LOC128706665: variants seen among roughly 807,000 people sequenced by gnomAD.
At chr20:10,427,225 A>G in the LOC128706665 span, among the ~76,000 whole-genome samples, 2 of 152,204 alleles carry the variant, frequency 1.3e-5, no homozygotes, top group Admixed American at 6.5e-5. Context: ...TAGGCCTAAA[A>G]TAACTTGGAT....
At chr20:10,418,813 A>T in the LOC128706665 span, among the ~76,000 whole-genome samples, 3 of 152,110 alleles carry the variant, frequency 2.0e-5, no homozygotes, top group African/African-American at 7.2e-5. Context: ...CATACATAAT[A>T]TAATGGTCTT....
chr20:10,430,958 AGTC>A, the LOC128706665 span, among the ~76,000 whole-genome samples: 1 of 152,200 alleles, frequency 6.6e-6, no homozygotes, highest in Admixed American at 6.5e-5. Context: ...CGAGAATCAA[AGTC>A]TAACCTCCAC....
At chr20:10,422,256 G>A in the LOC128706665 span, among the ~76,000 whole-genome samples, 1,748 of 151,932 alleles carry the variant, frequency 0.012, 16 homozygotes, top group Non-Finnish European at 0.017. Context: ...GAGGAAACAC[G>A]ACCTGCTTTG....
chr20:10,427,547 C>T, the LOC128706665 span, among the ~76,000 whole-genome samples: 8 of 152,108 alleles, frequency 5.3e-5, no homozygotes, highest in Non-Finnish European at 1.2e-4. Flanking sequence ...TTCTTCATTT[C>T]TGAATTCTCA....
the LOC128706665 span, among the ~76,000 whole-genome samples, chr20:10,424,159 T>C: frequency 1.3e-5 from 2 of 152,120 alleles, no homozygotes; most frequent in East Asian, 3.9e-4. Context: ...CATATAATAG[T>C]CCCTTTTCAC....
the LOC128706665 span, chr20:10,420,662 C>T: frequency 6.6e-6 from 1 of 152,218 alleles, no homozygotes; most frequent in South Asian, 2.1e-4. Context: ...CTGTACCACC[C>T]CAAATGTATG....
chr20:10,420,207 T>C, the LOC128706665 span, among the ~76,000 whole-genome samples: 1 of 152,104 alleles, frequency 6.6e-6, no homozygotes, highest in African/African-American at 2.4e-5. Flanking sequence ...AAGAAAATAA[T>C]CTTGTATAAA....
At chr20:10,424,515 C>T in the LOC128706665 span, among the ~76,000 whole-genome samples, 1 of 151,980 alleles carries the variant, frequency 6.6e-6, no homozygotes, top group Non-Finnish European at 1.5e-5. Flanking sequence ...GCCTGCATAA[C>T]CTCTTCTCAG....
At chr20:10,431,102 T>C in the LOC128706665 span, among the ~76,000 whole-genome samples, 1 of 152,178 alleles carries the variant, frequency 6.6e-6, no homozygotes, top group Non-Finnish European at 1.5e-5. Flanking sequence ...ATGTGGGAAG[T>C]GCTCAATACA....
the LOC128706665 span, among the ~76,000 whole-genome samples, chr20:10,422,913 G>A: frequency 4.6e-5 from 7 of 151,820 alleles, no homozygotes; most frequent in Non-Finnish European, 1.0e-4. Flanking sequence ...GGGTTTCACC[G>A]TGTTAGCCAG....
At chr20:10,432,100 G>A in the LOC128706665 span, among the ~76,000 whole-genome samples, 1 of 152,198 alleles carries the variant, frequency 6.6e-6, no homozygotes, top group African/African-American at 2.4e-5. Context: ...TGGCTGAAGA[G>A]AGTTGAAGTT....
chr20:10,425,890 C>A, the LOC128706665 span, among the ~76,000 whole-genome samples: 7 of 152,086 alleles, frequency 4.6e-5, no homozygotes, highest in Admixed American at 4.6e-4. Flanking sequence ...TAAAAAAAGA[C>A]TCCTTTAGAA....
At chr20:10,427,000 T>A in the LOC128706665 span, among the ~76,000 whole-genome samples, 5 of 137,354 alleles carry the variant, frequency 3.6e-5, no homozygotes, top group Admixed American at 1.5e-4. Context: ...TCTTTTAGAG[T>A]AGCTTAAAGG....
the LOC128706665 span, among the ~76,000 whole-genome samples, chr20:10,425,768 T>C: frequency 6.6e-6 from 1 of 152,036 alleles, no homozygotes; most frequent in Non-Finnish European, 1.5e-5. Flanking sequence ...TATTGAACTT[T>C]TCAAGTTTGG....
At chr20:10,418,172 A>G in the LOC128706665 span, among the ~76,000 whole-genome samples, 1 of 152,254 alleles carries the variant, frequency 6.6e-6, no homozygotes, top group African/African-American at 2.4e-5. Context: ...CAAAAGGACT[A>G]CATAGTGGAG....
At chr20:10,427,628 T>C in the LOC128706665 span, among the ~76,000 whole-genome samples, 1 of 152,252 alleles carries the variant, frequency 6.6e-6, no homozygotes, top group Non-Finnish European at 1.5e-5. Context: ...GCATTTTTTC[T>C]GTGTACACAA....
the LOC128706665 span, among the ~76,000 whole-genome samples, chr20:10,431,520 G>C: frequency 3.5e-5 from 5 of 140,868 alleles, no homozygotes; most frequent in African/African-American, 1.2e-4. Context: ...ATGCTGTATA[G>C]GGTCAAAAAA....
At chr20:10,417,209 C>T in the LOC128706665 span, among the ~76,000 whole-genome samples, 1 of 148,694 alleles carries the variant, frequency 6.7e-6, no homozygotes, top group African/African-American at 2.5e-5. Flanking sequence ...CGACATCACC[C>T]AACTGCAGCC....
chr20:10,419,854 T>C, the LOC128706665 span, among the ~76,000 whole-genome samples: 1 of 152,204 alleles, frequency 6.6e-6, no homozygotes, highest in Non-Finnish European at 1.5e-5. Context: ...TGTTTATTTC[T>C]GGAATTTTCT....
Sources: gnomAD v4.1 joint callset for allele counts (sites outside exome capture counted in the v4.1 genomes callset) on GRCh38, gnomAD v4.1.1 for gene constraint, MANE v1.5 for transcripts.